Variants in DYM observed in about 807,000 individuals in gnomAD.
DYM encodes dyggve-Melchior-Clausen syndrome protein.
In DYM, 78 loss-of-function variants were observed where a neutral mutation model predicts 93.1. The observed-to-expected ratio is 0.84, with a 90% CI of 0.70 to 1.01. The LOEUF (loss-of-function observed/expected upper bound fraction) is 1.01. Among genes scored for constraint, DYM ranks in the 50% least tolerant of loss-of-function variants. DYM has a pLI of 0.00. For missense variants in DYM, 789 were observed against 845.0 expected (o/e 0.93, Z 0.82); for synonymous variants, 321 against 319.7 (o/e 1.00, Z -0.04).
chr18:49,443,911 C>G (rs949869882), intron 1 of DYM, among the ~76,000 whole-genome samples: 2 of 152,134 alleles, frequency 1.3e-5, no homozygotes, highest in South Asian at 4.1e-4. Context: ...CCTACTCTTT[C>G]CATGAAAACA....
chr18:49,140,717 C>T (rs369782350), intron 15 of DYM, among the ~76,000 whole-genome samples: 2 of 152,140 alleles, frequency 1.3e-5, no homozygotes, highest in African/African-American at 4.8e-5. Flanking sequence ...AAAACAGGAA[C>T]AGGGGTATGG....
At chr18:49,236,450 AGC>A (rs1439713770) in intron 13 of DYM, among the ~76,000 whole-genome samples, 9 of 151,078 alleles carry the variant, frequency 6.0e-5, no homozygotes. Flanking sequence ...AATGCACTCC[AGC>A]CTGGGCGACA....
chr18:49,325,997 AG>A (rs1309667492), intron 8 of DYM, among the ~76,000 whole-genome samples: 3 of 152,358 alleles, frequency 2.0e-5, no homozygotes, highest in African/African-American at 7.2e-5. Context: ...GAAGAGATTC[AG>A]GAACTGGAAA....
At chr18:49,121,239 G>T (rs1170359488) in intron 15 of DYM, among the ~76,000 whole-genome samples, 1 of 152,146 alleles carries the variant, frequency 6.6e-6, no homozygotes, top group Non-Finnish European at 1.5e-5. Context: ...GTAAAATGTG[G>T]TGACTGCAGT....
chr18:49,331,539 T>C (rs957389259), intron 8 of DYM, among the ~76,000 whole-genome samples: 12 of 152,356 alleles, frequency 7.9e-5, no homozygotes, highest in African/African-American at 2.6e-4. Context: ...CCTCTTATAA[T>C]ACAAGTAGTG....
chr18:49,169,842 G>A (rs191408782), intron 14 of DYM, among the ~76,000 whole-genome samples: 7 of 152,182 alleles, frequency 4.6e-5, no homozygotes, highest in Admixed American at 2.0e-4. Context: ...GAGATGACAA[G>A]TGAACAAGAC....
intron 1 of DYM, among the ~76,000 whole-genome samples, chr18:49,451,591 G>A (rs181136343): frequency 1.3e-5 from 2 of 152,342 alleles, no homozygotes; most frequent in East Asian, 3.9e-4. Flanking sequence ...TCAGCTTTAA[G>A]AAGTCTTATC....
At chr18:49,170,759 C>T (rs2088579921) in intron 14 of DYM, among the ~76,000 whole-genome samples, 1 of 101,520 alleles carries the variant, frequency 9.9e-6, no homozygotes, top group South Asian at 3.6e-4. Flanking sequence ...CCAGCCTGGG[C>T]AACAAAGTGA....
rs751394834 is a variant in DYM, at chr18:49,193,258, AGTTCAATAAAT to A, written c.1625+16282_1625+16292del. On this transcript the variant is annotated intron_variant, in intron 14 of 17. Coordinates refer to ENST00000675505, the MANE Select transcript of DYM (RefSeq NM_001353214.3). ...GGAACAGTGGCTATTACAGAGTAAGAGTTCAATAAATGTTAGCTATTATCACCACTACTGGG... is the reference window on the plus strand; with the variant it reads ...GGAACAGTGGCTATTACAGAGTAAGAGTTAGCTATTATCACCACTACTGGG... 1.0e-3 allele frequency among the ~76,000 whole-genome samples: 152 copies of A among 152,046 alleles called. 1 individual carries two copies. Among genetic ancestry groups the A allele is most frequent in the Non-Finnish European group, 4.4e-5 (3 of 68,024 alleles).
At chr18:49,287,816 G>GA (rs1321740708) in intron 8 of DYM, among the ~76,000 whole-genome samples, 1 of 114,108 alleles carries the variant, frequency 8.8e-6, no homozygotes, top group Non-Finnish European at 1.7e-5. Context: ...CAACAAGAGC[G>GA]AAACTCCGTC....
At chr18:49,314,927 C>T (rs1257957438) in intron 8 of DYM, among the ~76,000 whole-genome samples, 1 of 152,136 alleles carries the variant, frequency 6.6e-6, no homozygotes, top group African/African-American at 2.4e-5. Flanking sequence ...AAAGGCCAGG[C>T]CGGTGTCTGA....
intron 1 of DYM, chr18:49,447,252 G>T: frequency 6.6e-6 from 1 of 152,282 alleles, no homozygotes; most frequent in Non-Finnish European, 1.5e-5. Context: ...CAAAGCAGAA[G>T]CATAAGAGAC....
chr18:49,424,262 T>C (rs1243631293), intron 2 of DYM, among the ~76,000 whole-genome samples: 3 of 152,126 alleles, frequency 2.0e-5, no homozygotes, highest in Non-Finnish European at 4.4e-5. Context: ...TCAATAACCG[T>C]AATCCATCAT....
chr18:49,129,761 C>A (rs2083211209), intron 15 of DYM, among the ~76,000 whole-genome samples: 1 of 152,098 alleles, frequency 6.6e-6, no homozygotes, highest in South Asian at 2.1e-4. Context: ...TGGGGGCAGG[C>A]TCCAAGACTC....
chr18:49,249,353 ATTATG>A (rs1055115926), intron 13 of DYM, among the ~76,000 whole-genome samples: 4 of 152,010 alleles, frequency 2.6e-5, no homozygotes, highest in East Asian at 1.9e-4. Flanking sequence ...ATAATCATAT[ATTATG>A]TTATTACATA....
At chr18:49,277,028 C>T (rs955719306) in intron 10 of DYM, among the ~76,000 whole-genome samples, 2 of 152,072 alleles carry the variant, frequency 1.3e-5, no homozygotes, top group Non-Finnish European at 2.9e-5. Context: ...GGAGTCAAAG[C>T]TTTTGCCAAC....
At chr18:49,098,163 C>T (rs1436131180) in intron 16 of DYM, among the ~76,000 whole-genome samples, 2 of 152,082 alleles carry the variant, frequency 1.3e-5, no homozygotes, top group African/African-American at 4.8e-5. Context: ...CATTTTTCAG[C>T]AAATTATTTT....
At chr18:49,122,345 G>A (rs970372328) in intron 15 of DYM, among the ~76,000 whole-genome samples, 8 of 152,136 alleles carry the variant, frequency 5.3e-5, no homozygotes, top group Non-Finnish European at 7.3e-5. Flanking sequence ...AGGTATACTT[G>A]TTCTTTTTAA....
intron 14 of DYM, among the ~76,000 whole-genome samples, chr18:49,184,742 C>CTTTTT (rs2090277730): frequency 6.6e-6 from 1 of 152,132 alleles, no homozygotes; most frequent in Non-Finnish European, 1.5e-5. Context: ...GCACAGTGCA[C>CTTTTT]AATTAAAAAC....
Sources: allele counts gnomAD v4.1 joint callset (sites outside exome capture counted in the v4.1 genomes callset), GRCh38; gene constraint gnomAD v4.1.1; transcripts MANE v1.5; gene names NCBI Gene and HGNC (gene_info 2026-07-23, HGNC 2026-07-21).